AMPH: variants seen among roughly 807,000 people sequenced by gnomAD.
AMPH encodes the protein amphiphysin (Stiff-Mann syndrome with breast cancer 128kD autoantigen).
AMPH carries 49 observed loss-of-function variants against 99.1 expected under a neutral mutation model. That is an observed-to-expected ratio of 0.49 (90% CI 0.39 to 0.63). The LOEUF (loss-of-function observed/expected upper bound fraction) is 0.63, where lower values mean the gene tolerates loss of function less well. AMPH is among the 20% of genes least tolerant of loss of function. The pLI is 0.00. For missense variants in AMPH, 759 were observed against 863.4 expected (o/e 0.88, Z 1.52); for synonymous variants, 314 against 317.3 (o/e 0.99, Z 0.11).
intron 1 of AMPH, among the ~76,000 whole-genome samples, chr7:38,604,493 G>A (rs1793361531): frequency 1.3e-5 from 2 of 152,322 alleles, no homozygotes; most frequent in Middle Eastern, 3.4e-3. Flanking sequence ...CACTGCCCCA[G>A]CCCTGCACAG....
Position 38,465,560 on chromosome 7 carries a change from A to G in AMPH, c.667-11T>C. The G allele has an allele frequency of 2.5e-6, 4 of 1,570,288 alleles. No individual in the cohort carries two copies. Among genetic ancestry groups the G allele is most frequent in the Non-Finnish European group, 3.5e-6 (4 of 1,155,350 alleles). On this transcript the variant is annotated splice_polypyrimidine_tract_variant and intron_variant, in intron 8 of 20. Coordinates refer to ENST00000356264, the MANE Select transcript of AMPH (RefSeq NM_001635.4). Reference sequence around the variant, plus strand: ...CAGTTTGTGGCAAAGCTAAGGGGACAGAGGCCACTTGTCTATTAGTCACAT... The same window carrying G: ...CAGTTTGTGGCAAAGCTAAGGGGACGGAGGCCACTTGTCTATTAGTCACAT...
At position 38,475,607 on chromosome 7, in the gene AMPH, C is replaced by T. The variant is rs74899122; in HGVS notation, c.505-191G>A. ...ACTAAGACTCCCTAAAACTGGAAAC[C>T]GGATTGATTACAATGGTTGCTCTTG... On this transcript the variant is annotated intron_variant, in intron 6 of 20. Coordinates refer to ENST00000356264, the MANE Select transcript of AMPH (RefSeq NM_001635.4). 2.4e-4 allele frequency among the ~76,000 whole-genome samples: 36 copies of T among 152,208 alleles called. No homozygotes were observed. In the East Asian group the frequency reaches 5.4e-3, roughly 23 times the overall value.
chr7:38,483,888 G>A (rs1260962974), intron 5 of AMPH, among the ~76,000 whole-genome samples: 2 of 152,040 alleles, frequency 1.3e-5, no homozygotes, highest in African/African-American at 4.8e-5. Flanking sequence ...GGAAAATAAT[G>A]TATCCGCAAA....
rs1401458017 is a variant in AMPH at position 38,473,475 on chromosome 7, C to T, written c.590+1856G>A. On this transcript the variant is annotated intron_variant, in intron 7 of 20. Transcript: ENST00000356264. ...ATCCCAGCACTTTGGGAGGCCGAGG[C>T]GGGTGGATCATGAGGTCAGGAGATC... Among the ~76,000 whole-genome samples, 13 of 125,264 alleles carry T rather than the reference C, an allele frequency of 1.0e-4. 4 individuals carry two copies. Among genetic ancestry groups the T allele is most frequent in the Non-Finnish European group, 1.3e-4 (8 of 60,978 alleles). The allele number at this position is 125,264 out of a possible 152,430, so 82.2% of individuals were successfully genotyped here. A position where few individuals can be genotyped will look rare whatever the true frequency, so the allele number is the denominator to read the frequency against.
intron 12 of AMPH, among the ~76,000 whole-genome samples, chr7:38,433,745 A>AAAAAAAAAG (rs1786142665): frequency 1.4e-5 from 2 of 142,612 alleles, no homozygotes; most frequent in Admixed American, 1.4e-4. Context: ...AAAAAAAAAA[A>AAAAAAAAAG]AGAATCAAAG....
At chr7:38,454,784 C>T (rs900726861) in intron 11 of AMPH, among the ~76,000 whole-genome samples, 3 of 152,090 alleles carry the variant, frequency 2.0e-5, no homozygotes, top group Non-Finnish European at 4.4e-5. Context: ...AGATGTTTAT[C>T]GAAGTGCTGG....
At chr7:38,407,250 T>C (rs953722896) in intron 17 of AMPH, among the ~76,000 whole-genome samples, 6 of 147,612 alleles carry the variant, frequency 4.1e-5, no homozygotes, top group Non-Finnish European at 9.0e-5. Context: ...TATATCTGTA[T>C]CTAACTATCT....
At chr7:38,459,307 C>T (rs1787352506) in intron 11 of AMPH, among the ~76,000 whole-genome samples, 1 of 151,918 alleles carries the variant, frequency 6.6e-6, no homozygotes, top group South Asian at 2.1e-4. Context: ...CAACGCCTAC[C>T]AAAATACCAA....
At chr7:38,598,690 T>C (rs1164512395) in intron 1 of AMPH, among the ~76,000 whole-genome samples, 1 of 152,196 alleles carries the variant, frequency 6.6e-6, no homozygotes, top group African/African-American at 2.4e-5. Flanking sequence ...TCTAATTCCG[T>C]ATTTTCTTGA....
At chr7:38,471,216 A>G (rs1787872425) in intron 7 of AMPH, among the ~76,000 whole-genome samples, 1 of 152,122 alleles carries the variant, frequency 6.6e-6, no homozygotes, top group Non-Finnish European at 1.5e-5. Context: ...AGTTCCATGA[A>G]CCCAGATATC....
At chr7:38,451,082 A>G (rs1424181640) in intron 11 of AMPH, among the ~76,000 whole-genome samples, 1 of 149,144 alleles carries the variant, frequency 6.7e-6, no homozygotes, top group Admixed American at 6.7e-5. Context: ...TTGTAGAGAC[A>G]GGGTCTCACT....
At chr7:38,499,815 C>T (rs78140000) in intron 3 of AMPH, among the ~76,000 whole-genome samples, 5,277 of 152,212 alleles carry the variant, frequency 0.035, 285 homozygotes, top group African/African-American at 0.12. Flanking sequence ...ACTGATCATG[C>T]GGGCGGGTTT....
rs190220462 is a variant in AMPH, at chr7:38,564,906, C to T, written c.70-29895G>A. On this transcript the variant is annotated intron_variant, in intron 1 of 20. Coordinates refer to ENST00000356264, the MANE Select transcript of AMPH (RefSeq NM_001635.4). The stretch of plus-strand genomic sequence containing the variant: ...CTGGGAGGCTGAGGTGGGTGGATCA[C>T]GAGGTCAGGAGATCGAGACCATCCT... Among the ~76,000 whole-genome samples the T allele has an allele frequency of 2.0e-4, 30 of 152,174 alleles. 1 individual carries two copies. In the South Asian group the frequency reaches 3.7e-3, roughly 19 times the overall value.
intron 11 of AMPH, among the ~76,000 whole-genome samples, chr7:38,453,220 C>T (rs1236631909): frequency 6.6e-6 from 1 of 152,154 alleles, no homozygotes; most frequent in African/African-American, 2.4e-5. Flanking sequence ...CCTATAATGT[C>T]TCTGGTGCTT....
Position 38,400,714 on chromosome 7 carries a change from A to G in AMPH, c.1399-6500T>C, listed in dbSNP as rs557388206. Among the ~76,000 whole-genome samples, 4 of 152,326 alleles carry G rather than the reference A, an allele frequency of 2.6e-5. No individual in the cohort carries two copies. The East Asian group carries it at 7.7e-4, about 29-fold the overall frequency. On this transcript the variant is annotated intron_variant, in intron 17 of 20. Coordinates refer to ENST00000356264, the MANE Select transcript of AMPH (RefSeq NM_001635.4). ...GTTTATGTCATGCATTCATACATTC[A>G]TTCACTCATTTATTTACTTATTTGC...
At chr7:38,407,076 A>ATATATATGTG (rs1478238678) in intron 17 of AMPH, among the ~76,000 whole-genome samples, 4 of 19,732 alleles carry the variant, frequency 2.0e-4, no homozygotes, top group Admixed American at 9.8e-4. Flanking sequence ...ATATATATAT[A>ATATATATGTG]TGTGTGTGTG....
chr7:38,528,477 A>G (rs983047279), intron 2 of AMPH, among the ~76,000 whole-genome samples: 3 of 152,168 alleles, frequency 2.0e-5, no homozygotes, highest in Admixed American at 2.0e-4. Flanking sequence ...TTGTGATTGT[A>G]AAGGAATTGA....
intron 2 of AMPH, among the ~76,000 whole-genome samples, chr7:38,532,089 G>A (rs966986741): frequency 3.3e-5 from 5 of 152,180 alleles, no homozygotes; most frequent in African/African-American, 9.6e-5. Flanking sequence ...TCTTCTCTCC[G>A]TAGAGCATTA....
At chr7:38,429,284 T>A in intron 14 of AMPH, 1 of 1,286,348 alleles carries the variant, frequency 7.8e-7, no homozygotes, top group South Asian at 1.2e-5. Flanking sequence ...CATTTCCACC[T>A]GGAAAGGCTG....
Sources: gnomAD v4.1 joint callset for allele counts (sites outside exome capture counted in the v4.1 genomes callset) on GRCh38, gnomAD v4.1.1 for gene constraint, MANE v1.5 for transcripts, NCBI Gene and HGNC (gene_info 2026-07-23, HGNC 2026-07-21) for gene names.